The following GSK3B variants were observed in gnomAD, a reference collection of about 807,000 sequenced individuals.
GSK3B encodes the protein glycogen synthase kinase-3 beta.
Under a neutral mutation model 56.4 loss-of-function variants are expected in GSK3B, and 15 were observed. The ratio of observed to expected loss-of-function variants is 0.27; its 90% CI spans 0.18 to 0.41. The LOEUF (loss-of-function observed/expected upper bound fraction) is 0.41, where lower values mean the gene tolerates loss of function less well. GSK3B is among the 10% of genes least tolerant of loss of function. The pLI is 1.00. For missense variants in GSK3B, 300 were observed against 513.4 expected (o/e 0.58, Z 4.02); for synonymous variants, 181 against 188.9 (o/e 0.96, Z 0.34).
chr3:119,940,244 T>A (rs113943441), intron 3 of GSK3B, among the ~76,000 whole-genome samples: 3,915 of 151,902 alleles, frequency 0.026, 169 homozygotes, highest in African/African-American at 0.088. Flanking sequence ...GGAGAAAAAT[T>A]AAGCAATTTG....
chr3:119,966,687 T>C (rs1170638010), intron 2 of GSK3B, among the ~76,000 whole-genome samples: 8 of 152,212 alleles, frequency 5.3e-5, no homozygotes, highest in African/African-American at 1.9e-4. Flanking sequence ...AGTTCAGGAA[T>C]AGCTATTACT....
intron 9 of GSK3B, among the ~76,000 whole-genome samples, chr3:119,860,384 T>C (rs1364360658): frequency 6.6e-6 from 1 of 152,152 alleles, no homozygotes; most frequent in African/African-American, 2.4e-5. Context: ...TTGTCAGTCA[T>C]GGGGTCCTGG....
At chr3:119,904,662 G>T (rs888459159) in intron 7 of GSK3B, among the ~76,000 whole-genome samples, 1 of 152,086 alleles carries the variant, frequency 6.6e-6, no homozygotes, top group Non-Finnish European at 1.5e-5. Flanking sequence ...TTACAGCTCA[G>T]TACAATAAAA....
chr3:119,951,444 G>C (rs2057156378), intron 2 of GSK3B, among the ~76,000 whole-genome samples: 1 of 152,160 alleles, frequency 6.6e-6, no homozygotes, highest in Non-Finnish European at 1.5e-5. Flanking sequence ...GGTGGCGCAT[G>C]CCTGTAATCC....
At chr3:119,915,788 C>T (rs780378741) in intron 5 of GSK3B, among the ~76,000 whole-genome samples, 2 of 151,970 alleles carry the variant, frequency 1.3e-5, no homozygotes, top group Non-Finnish European at 2.9e-5. Flanking sequence ...AATAAAAATC[C>T]CTATATATAC....
intron 8 of GSK3B, among the ~76,000 whole-genome samples, chr3:119,865,233 T>C (rs2056160932): frequency 6.6e-6 from 1 of 151,884 alleles, no homozygotes; most frequent in African/African-American, 2.4e-5. Flanking sequence ...TTTATTTTGC[T>C]AGCTAATCCA....
intron 2 of GSK3B, among the ~76,000 whole-genome samples, chr3:119,994,378 G>T (rs879306938): frequency 1.2e-4 from 19 of 152,172 alleles, no homozygotes; most frequent in Admixed American, 1.2e-3. Flanking sequence ...ACCATTTGTA[G>T]CCATTATTAT....
intron 1 of GSK3B, among the ~76,000 whole-genome samples, chr3:120,078,317 C>T (rs929391251): frequency 6.6e-6 from 1 of 152,134 alleles, no homozygotes; most frequent in Admixed American, 6.5e-5. Context: ...TAAATAAATA[C>T]TGAAAGCCAA....
chr3:120,029,720 T>C (rs753940742), intron 1 of GSK3B: 24 of 538,844 alleles, frequency 4.5e-5, no homozygotes, highest in Non-Finnish European at 8.2e-5. Flanking sequence ...AATTTTTTTA[T>C]CATGCAGTGC....
chr3:119,909,421 T>C (rs2056714666), intron 6 of GSK3B, among the ~76,000 whole-genome samples: 2 of 152,328 alleles, frequency 1.3e-5, no homozygotes, highest in South Asian at 4.1e-4. Flanking sequence ...TCAGAAACAA[T>C]ATGTAAGAGT....
intron 9 of GSK3B, among the ~76,000 whole-genome samples, chr3:119,859,243 G>C (rs1170536204): frequency 1.3e-5 from 2 of 149,568 alleles, no homozygotes; most frequent in South Asian, 4.3e-4. Flanking sequence ...ATAAAACAAT[G>C]TATGTCCATA....
chr3:119,926,961 A>T (rs963184892), intron 3 of GSK3B, among the ~76,000 whole-genome samples: 1 of 152,154 alleles, frequency 6.6e-6, no homozygotes, highest in African/African-American at 2.4e-5. Context: ...GACTCTTACC[A>T]TTGTATAACC....
chr3:119,950,455 T>C (rs966313920), intron 2 of GSK3B, among the ~76,000 whole-genome samples: 34 of 152,078 alleles, frequency 2.2e-4, no homozygotes, highest in Admixed American at 3.9e-4. Context: ...ATTCAAGAAA[T>C]AGGCAGAAGG....
intron 1 of GSK3B, among the ~76,000 whole-genome samples, chr3:120,047,311 C>A (rs927098985): frequency 1.3e-5 from 2 of 152,146 alleles, no homozygotes; most frequent in African/African-American, 2.4e-5. Context: ...AGTTAAGAAT[C>A]TGAGATAACT....
intron 1 of GSK3B, among the ~76,000 whole-genome samples, chr3:120,031,932 C>T (rs2057979593): frequency 6.6e-6 from 1 of 152,056 alleles, no homozygotes; most frequent in Non-Finnish European, 1.5e-5. Flanking sequence ...CTAATCATTC[C>T]AGACTACAAT....
intron 3 of GSK3B, among the ~76,000 whole-genome samples, chr3:119,939,914 G>A (rs571819843): frequency 6.6e-6 from 1 of 152,134 alleles, no homozygotes; most frequent in Non-Finnish European, 1.5e-5. Context: ...ATAAACATTA[G>A]AGAGTCACTG....
chr3:120,031,438 C>G (rs1238451893), intron 1 of GSK3B, among the ~76,000 whole-genome samples: 1 of 151,592 alleles, frequency 6.6e-6, no homozygotes, highest in Non-Finnish European at 1.5e-5. Flanking sequence ...CTGGAAAGGC[C>G]CGTGAAAGGC....
At chr3:119,853,315 G>C (rs1559808491) in intron 9 of GSK3B, among the ~76,000 whole-genome samples, 1 of 152,122 alleles carries the variant, frequency 6.6e-6, no homozygotes, top group South Asian at 2.1e-4. Context: ...ATGCTGTTTT[G>C]GTTACTGTAG....
At chr3:120,073,052 G>C (rs1318520526) in intron 1 of GSK3B, among the ~76,000 whole-genome samples, 25 of 151,938 alleles carry the variant, frequency 1.6e-4, no homozygotes, top group Admixed American at 1.6e-3. Flanking sequence ...TGAAACCTTG[G>C]CAAGAGTTAC....
Sources: allele counts gnomAD v4.1 joint callset (sites outside exome capture counted in the v4.1 genomes callset), GRCh38; gene constraint gnomAD v4.1.1; transcripts MANE v1.5; gene names NCBI Gene and HGNC (gene_info 2026-07-23, HGNC 2026-07-21).